The following WWOX variants were observed in gnomAD, a reference collection of about 807,000 sequenced individuals.
The protein encoded by WWOX is WW domain-containing oxidoreductase.
A neutral mutation model predicts 46.2 loss-of-function variants in WWOX; 69 were observed. The ratio of observed to expected loss-of-function variants is 1.49; its 90% CI spans 1.23 to 1.82. WWOX has a LOEUF of 1.82. WWOX is among the 40% of genes most tolerant of loss of function. The pLI, the probability that WWOX is intolerant of heterozygous loss-of-function variation, is 0.00. For missense variants in WWOX, 919 were observed against 542.6 expected, an observed-to-expected ratio of 1.69 and a Z score of -6.89; for synonymous variants, 359 against 202.6, an observed-to-expected ratio of 1.77 and a Z score of -6.56.
rs777436370 is a variant in WWOX, at chr16:78,389,273, G to A, written c.605+2325G>A. On this transcript the variant is annotated intron_variant, in intron 6 of 8. Coordinates refer to ENST00000566780, the MANE Select transcript of WWOX (RefSeq NM_016373.4). ...AGACATTTGTTCGCTGATTTGCTTC[G>A]TCATTCATTTATCCACCCGTTCCTT... is the stretch of plus-strand genomic sequence containing the variant. Among the ~76,000 whole-genome samples the A allele has an allele frequency of 3.9e-5, 6 of 152,298 alleles. No homozygotes were observed. In the East Asian group the frequency reaches 7.7e-4, roughly 20 times the overall value.
rs71137871 is a variant in WWOX, at chr16:78,101,346, C to CTTTTTTTTTTTTTTTTTTTTTTTTT, written c.107+1478_107+1479insTTTTTTTTTTTTTTTTTTTTTTTTT. Reference sequence around the variant, plus strand: ...ACAGGCGTGAGCTACCGCTCCCGGCCTTTTTTTTTTTTTTTTTAAAGACAG... The same window carrying CTTTTTTTTTTTTTTTTTTTTTTTTT: ...ACAGGCGTGAGCTACCGCTCCCGGCCTTTTTTTTTTTTTTTTTTTTTTTTTTTTTTTTTTTTTTTTTTAAAGACAG... On this transcript the variant is annotated intron_variant, in intron 1 of 8. Coordinates refer to ENST00000566780, the MANE Select transcript of WWOX (RefSeq NM_016373.4). Among the ~76,000 whole-genome samples the CTTTTTTTTTTTTTTTTTTTTTTTTT allele has an allele frequency of 1.6e-4, 11 of 66,850 alleles. 1 individual carries two copies. The highest frequency in any genetic ancestry group is 3.0e-4 in the Non-Finnish European group (10 of 33,158). 43.9% of individuals were successfully genotyped at this position (66,850 alleles called of 152,430 possible).
chr16:79,073,720 T>C (rs1299839085), intron 8 of WWOX, among the ~76,000 whole-genome samples: 1 of 152,174 alleles, frequency 6.6e-6, no homozygotes, highest in Non-Finnish European at 1.5e-5. Context: ...GATGAAGTTC[T>C]AGTAAATGGG....
At chr16:78,611,935 A>G (rs767625991) in intron 8 of WWOX, among the ~76,000 whole-genome samples, 30 of 152,198 alleles carry the variant, frequency 2.0e-4, no homozygotes, top group Non-Finnish European at 3.8e-4. Context: ...CCAATGAGCT[A>G]TAGGAAGGGT....
At chr16:79,040,964 A>G (rs2047960168) in intron 8 of WWOX, among the ~76,000 whole-genome samples, 1 of 152,032 alleles carries the variant, frequency 6.6e-6, no homozygotes, top group Admixed American at 6.6e-5. Context: ...GTGGGGGGAC[A>G]ATGAGGTGGT....
intron 8 of WWOX, among the ~76,000 whole-genome samples, chr16:78,772,735 T>C (rs1243723599): frequency 6.6e-6 from 1 of 152,160 alleles, no homozygotes; most frequent in African/African-American, 2.4e-5. Context: ...CCTAGGTAAG[T>C]TGGCTAGGCG....
At chr16:79,036,074 G>T (rs1328112996) in intron 8 of WWOX, among the ~76,000 whole-genome samples, 2 of 152,132 alleles carry the variant, frequency 1.3e-5, no homozygotes, top group Non-Finnish European at 2.9e-5. Context: ...TTTTCTTTCT[G>T]TTTTCCTGCT....
intron 5 of WWOX, among the ~76,000 whole-genome samples, chr16:78,386,192 C>T (rs2082056743): frequency 6.6e-6 from 1 of 152,114 alleles, no homozygotes. Flanking sequence ...TGTTAGGAGC[C>T]TTGAGTGAGA....
At chr16:78,733,002 T>C (rs1359852376) in intron 8 of WWOX, among the ~76,000 whole-genome samples, 2 of 152,200 alleles carry the variant, frequency 1.3e-5, no homozygotes, top group South Asian at 2.1e-4. Flanking sequence ...TTCTAGTCTT[T>C]GTCAGGACCC....
intron 8 of WWOX, among the ~76,000 whole-genome samples, chr16:79,196,800 A>C (rs1055276114): frequency 1.3e-5 from 2 of 152,158 alleles, no homozygotes; most frequent in Non-Finnish European, 2.9e-5. Context: ...TTTCAAGGAT[A>C]CAGAGCTCAA....
At chr16:78,131,644 C>G (rs113790273) in intron 4 of WWOX, among the ~76,000 whole-genome samples, 1 of 151,614 alleles carries the variant, frequency 6.6e-6, no homozygotes, top group African/African-American at 2.4e-5. Context: ...TGCAATGGCC[C>G]GATCTTGGCT....
At chr16:78,389,564 G>T (rs908502869) in intron 6 of WWOX, among the ~76,000 whole-genome samples, 1 of 152,138 alleles carries the variant, frequency 6.6e-6, no homozygotes, top group South Asian at 2.1e-4. Flanking sequence ...TGTATGTTTT[G>T]ATTCAATTCT....
intron 8 of WWOX, among the ~76,000 whole-genome samples, chr16:78,597,695 TATAAC>T (rs1368061254): frequency 6.6e-6 from 1 of 151,894 alleles, no homozygotes; most frequent in African/African-American, 2.4e-5. Flanking sequence ...AGTGATCTTC[TATAAC>T]ATAAGTTGAT....
intron 8 of WWOX, among the ~76,000 whole-genome samples, chr16:78,675,915 A>G (rs1336230239): frequency 6.6e-6 from 1 of 152,184 alleles, no homozygotes; most frequent in Non-Finnish European, 1.5e-5. Context: ...GTAAGAAGTC[A>G]TAAAGAAGTG....
intron 8 of WWOX, among the ~76,000 whole-genome samples, chr16:79,037,272 T>C (rs952350394): frequency 6.6e-6 from 1 of 152,206 alleles, no homozygotes; most frequent in Non-Finnish European, 1.5e-5. Flanking sequence ...GGGGGATGCT[T>C]CTTTTCCTAC....
chr16:79,023,138 G>A (rs1394157453), intron 8 of WWOX, among the ~76,000 whole-genome samples: 2 of 152,044 alleles, frequency 1.3e-5, no homozygotes, highest in Admixed American at 6.6e-5. Flanking sequence ...AATGTGACCC[G>A]GGGGCTCTGT....
At chr16:78,198,093 C>T (rs1365264922) in intron 5 of WWOX, among the ~76,000 whole-genome samples, 1 of 152,126 alleles carries the variant, frequency 6.6e-6, no homozygotes, top group African/African-American at 2.4e-5. Flanking sequence ...GTTGGTAAGC[C>T]ATCCAGTCTC....
At chr16:79,170,053 A>G (rs891169289) in intron 8 of WWOX, among the ~76,000 whole-genome samples, 3 of 152,172 alleles carry the variant, frequency 2.0e-5, no homozygotes, top group African/African-American at 7.2e-5. Context: ...ATGAGCGCCA[A>G]CCAGCTCAAA....
At chr16:78,669,489 G>A (rs1179716216) in intron 8 of WWOX, among the ~76,000 whole-genome samples, 2 of 152,170 alleles carry the variant, frequency 1.3e-5, no homozygotes, top group Non-Finnish European at 2.9e-5. Context: ...ATGGGTCAAG[G>A]CCAGTGATGG....
intron 8 of WWOX, among the ~76,000 whole-genome samples, chr16:78,984,883 G>T (rs116549896): frequency 6.6e-5 from 10 of 152,278 alleles, no homozygotes; most frequent in African/African-American, 2.2e-4. Context: ...TGCAGGGGAA[G>T]AACTGATTCT....
Sources: allele counts gnomAD v4.1 joint callset (sites outside exome capture counted in the v4.1 genomes callset), GRCh38; gene constraint gnomAD v4.1.1; transcripts MANE v1.5; gene names NCBI Gene and HGNC (gene_info 2026-07-23, HGNC 2026-07-21).